Variants in PARVB observed in about 807,000 individuals in gnomAD.
The protein encoded by PARVB is beta-parvin.
A neutral mutation model predicts 47.0 loss-of-function variants in PARVB; 46 were observed. That is an observed-to-expected ratio of 0.98 (90% CI 0.77 to 1.25). PARVB has a LOEUF of 1.25. Among genes scored for constraint, PARVB ranks in the 50% most tolerant of loss-of-function variants. The probability of loss-of-function intolerance (pLI) is 0.00; values close to 1 mark genes in which losing one functional copy is unlikely to be tolerated. For missense variants in PARVB, 473 were observed against 471.6 expected, an observed-to-expected ratio of 1.00 and a Z score of -0.03; for synonymous variants, 196 against 196.3, an observed-to-expected ratio of 1.00 and a Z score of 0.01.
intron 3 of PARVB, 50 bp downstream of exon 3, chr22:44,100,173 G>T: frequency 6.8e-7 from 1 of 1,461,946 alleles, no homozygotes; most frequent in Admixed American, 1.7e-5. Context: ...CGAGGACTTG[G>T]CTTTGGGGTT....
At chr22:44,046,742 A>G (rs949738602) in intron 1 of PARVB, among the ~76,000 whole-genome samples, 1 of 152,244 alleles carries the variant, frequency 6.6e-6, no homozygotes, top group Non-Finnish European at 1.5e-5. Context: ...GCAGAATCCC[A>G]GACCTTGGGG....
chr22:44,012,383 A>G (rs2050532077), intron 2 of PARVB, among the ~76,000 whole-genome samples: 4 of 152,208 alleles, frequency 2.6e-5, no homozygotes. Flanking sequence ...TTCTGCTCAC[A>G]CGTGGCATGG....
chr22:44,039,971 C>T, intron 1 of PARVB: 1 of 383,626 alleles, frequency 2.6e-6, no homozygotes, highest in Middle Eastern at 3.6e-4. Flanking sequence ...TGTACCACTA[C>T]ACCCCGCTAA....
upstream of PARVB, among the ~76,000 whole-genome samples, chr22:44,019,996 A>G (rs1051954184): frequency 2.0e-5 from 3 of 151,194 alleles, no homozygotes; most frequent in Admixed American, 2.0e-4. Context: ...ACAAGTGTCA[A>G]CACTCCTGTG....
chr22:44,098,675 G>A (rs2052367895), intron 2 of PARVB, among the ~76,000 whole-genome samples: 1 of 152,110 alleles, frequency 6.6e-6, no homozygotes, highest in Non-Finnish European at 1.5e-5. Context: ...TACCTGGAGT[G>A]TCCTTTTCAG....
At chr22:44,147,628 C>T in intron 8 of PARVB, 1 of 721,102 alleles carries the variant, frequency 1.4e-6, no homozygotes, top group Non-Finnish European at 2.6e-6. Flanking sequence ...CCTCTGCAGC[C>T]TCTAGTCCAC....
intron 2 of PARVB, among the ~76,000 whole-genome samples, chr22:44,004,414 A>G (rs985814216): frequency 1.3e-5 from 2 of 152,146 alleles, no homozygotes; most frequent in Non-Finnish European, 2.9e-5. Flanking sequence ...CCTTACTCTC[A>G]AGTTAAAAGA....
intron 2 of PARVB, among the ~76,000 whole-genome samples, chr22:44,007,150 G>A (rs967496533): frequency 6.6e-6 from 1 of 152,196 alleles, no homozygotes; most frequent in Admixed American, 6.5e-5. Flanking sequence ...CTTAGTGTGT[G>A]CGAGGCTGCG....
At chr22:44,138,698 A>G (rs1479011764) in intron 7 of PARVB, among the ~76,000 whole-genome samples, 1 of 152,148 alleles carries the variant, frequency 6.6e-6, no homozygotes, top group Non-Finnish European at 1.5e-5. Flanking sequence ...CACCCCTTCC[A>G]GGAAGCCCTC....
At chr22:44,029,937 C>T (rs1170095606) in intron 1 of PARVB, among the ~76,000 whole-genome samples, 3 of 151,870 alleles carry the variant, frequency 2.0e-5, no homozygotes, top group African/African-American at 7.3e-5. Context: ...GAAAAGAAAT[C>T]ACTAGGTAGC....
At chr22:44,147,651 G>T in intron 8 of PARVB, 3 of 739,904 alleles carry the variant, frequency 4.1e-6, no homozygotes, top group Non-Finnish European at 7.5e-6. Flanking sequence ...TGTTCTGGTT[G>T]TTCCCAAGCG....
chr22:44,108,588 A>G (rs927981776), intron 3 of PARVB: 2 of 152,100 alleles, frequency 1.3e-5, no homozygotes, highest in Non-Finnish European at 2.9e-5. Context: ...GAAGGGAGAT[A>G]GGGGTGGGGC....
chr22:44,038,261 T>C (rs2050956113), intron 1 of PARVB, among the ~76,000 whole-genome samples: 1 of 152,158 alleles, frequency 6.6e-6, no homozygotes, highest in South Asian at 2.1e-4. Flanking sequence ...CAGTGATCTT[T>C]GTGTATTTGC....
rs535458157 is a variant in PARVB at position 44,167,025 on chromosome 22, G to A, written c.1019-1577G>A. On this transcript the variant is annotated intron_variant, in intron 12 of 12. Transcript: ENST00000338758. ...GAGACTGCCCTGTTGGTCCCCACCC[G>A]GAGGAAGCAGAGCAGTCTCACACCC... is the stretch of plus-strand genomic sequence containing the variant. Among the ~76,000 whole-genome samples, 11 of 152,272 alleles carry A rather than the reference G, an allele frequency of 7.2e-5. 1 individual carries two copies. The South Asian group carries it at 1.2e-3, about 17-fold the overall frequency.
At chr22:44,053,732 C>T (rs1028121101) in intron 1 of PARVB, among the ~76,000 whole-genome samples, 1 of 152,202 alleles carries the variant, frequency 6.6e-6, no homozygotes, top group Admixed American at 6.5e-5. Flanking sequence ...CCCACAGCCC[C>T]ATCTTTGGGT....
intron 1 of PARVB, among the ~76,000 whole-genome samples, chr22:44,092,633 A>C (rs796697703): frequency 1.9e-4 from 29 of 152,154 alleles, no homozygotes; most frequent in African/African-American, 7.0e-4. Context: ...CATGCTCTGG[A>C]CTGGACGCTC....
chr22:44,016,354 C>T (rs2050582849), intron 2 of PARVB, among the ~76,000 whole-genome samples: 1 of 152,128 alleles, frequency 6.6e-6, no homozygotes, highest in Admixed American at 6.6e-5. Flanking sequence ...CCTCAGCCTC[C>T]CAAAGTGCTG....
chr22:44,108,317 C>G (rs112906674), intron 3 of PARVB: 3,286 of 152,330 alleles, frequency 0.022, 38 homozygotes, highest in Admixed American at 0.042. Context: ...CTCAAGTAGC[C>G]TGGGAGCCCC....
At chr22:44,167,434 C>G (rs1263446933) in intron 12 of PARVB, among the ~76,000 whole-genome samples, 2 of 152,116 alleles carry the variant, frequency 1.3e-5, no homozygotes, top group Non-Finnish European at 2.9e-5. Flanking sequence ...GAGCTCAGAC[C>G]TGGGGGCTGC....
Sources: allele counts gnomAD v4.1 joint callset (sites outside exome capture counted in the v4.1 genomes callset), GRCh38; gene constraint gnomAD v4.1.1; transcripts MANE v1.5; gene names NCBI Gene and HGNC (gene_info 2026-07-23, HGNC 2026-07-21).